NFATC2: variants seen among roughly 807,000 people sequenced by gnomAD.
The protein encoded by NFATC2 is nuclear factor of activated T-cells, cytoplasmic 2.
In NFATC2, 22 loss-of-function variants were observed where a neutral mutation model predicts 87.3. The observed-to-expected ratio is 0.25, with a 90% confidence interval of 0.18 to 0.36. The LOEUF (loss-of-function observed/expected upper bound fraction) is 0.36, where lower values mean the gene tolerates loss of function less well. Ranked by LOEUF, NFATC2 falls within the 10% of genes least tolerant of loss-of-function variation. The probability of loss-of-function intolerance (pLI) is 1.00; values close to 1 mark genes in which losing one functional copy is unlikely to be tolerated. For missense variants in NFATC2, 1,149 were observed against 1,259.1 expected (o/e 0.91, Z 1.32); for synonymous variants, 565 against 542.2 (o/e 1.04, Z -0.58).
intron 1 of NFATC2, among the ~76,000 whole-genome samples, chr20:51,532,762 G>T (rs2146764595): frequency 6.6e-6 from 1 of 152,352 alleles, no homozygotes; most frequent in African/African-American, 2.4e-5. Flanking sequence ...CAGGCGGGTG[G>T]AATTTTCGGG....
rs996981883 is a variant in NFATC2 at position 51,432,988 on chromosome 20, G to A, written c.2033-232C>T. Among the ~76,000 whole-genome samples the A allele has an allele frequency of 7.2e-5, 11 of 152,048 alleles. No homozygotes were observed. The South Asian group carries it at 2.3e-3, about 32-fold the overall frequency. Reference sequence around the variant, plus strand: ...TTGAATTATAGATTTTTCCAATATTGGAAAGGTGGCTGGTAGGTCTGACTC... The same window carrying A: ...TTGAATTATAGATTTTTCCAATATTAGAAAGGTGGCTGGTAGGTCTGACTC... On this transcript the variant is annotated intron_variant, in intron 8 of 10. Coordinates refer to ENST00000371564, the MANE Select transcript of NFATC2 (RefSeq NM_012340.5). This position sits in a 1 kb window ranked among gnomAD's most constrained non-coding sequence, Gnocchi z 4.6.
At chr20:51,484,561 G>A (rs1989548113) in intron 3 of NFATC2, among the ~76,000 whole-genome samples, 2 of 152,214 alleles carry the variant, frequency 1.3e-5, no homozygotes, top group Admixed American at 6.5e-5. Context: ...GGAAGAGTCT[G>A]TGACATCATG....
At chr20:51,462,280 CAAAAA>C (rs56939528) in intron 5 of NFATC2, among the ~76,000 whole-genome samples, 1 of 128,708 alleles carries the variant, frequency 7.8e-6, no homozygotes, top group African/African-American at 3.0e-5. Context: ...GCTAATAATA[CAAAAA>C]AAAAAAAAAA....
chr20:51,521,671 A>G (rs2076447942), intron 2 of NFATC2, among the ~76,000 whole-genome samples: 1 of 152,232 alleles, frequency 6.6e-6, no homozygotes, highest in Non-Finnish European at 1.5e-5. Context: ...CATTTGCTAA[A>G]ATAAAAAATA....
intron 3 of NFATC2, among the ~76,000 whole-genome samples, chr20:51,488,035 G>C (rs1371996421): frequency 2.0e-5 from 3 of 152,042 alleles, no homozygotes; most frequent in Admixed American, 1.3e-4. Flanking sequence ...AGGAACAAGG[G>C]GCCCGTTCTT....
At chr20:51,489,897 T>A (rs952700424) in intron 3 of NFATC2, among the ~76,000 whole-genome samples, 1 of 152,212 alleles carries the variant, frequency 6.6e-6, no homozygotes, top group Non-Finnish European at 1.5e-5. Context: ...AAGACGACTG[T>A]CTGACACACG....
At chr20:51,536,922 C>CAG (rs1555817097) in intron 1 of NFATC2, among the ~76,000 whole-genome samples, 1 of 151,916 alleles carries the variant, frequency 6.6e-6, no homozygotes, top group Non-Finnish European at 1.5e-5. Flanking sequence ...CACACACACA[C>CAG]AGATACTGTA....
chr20:51,487,731 C>T (rs983801308), intron 3 of NFATC2, among the ~76,000 whole-genome samples: 7 of 152,072 alleles, frequency 4.6e-5, no homozygotes, highest in African/African-American at 1.7e-4. Context: ...TCGAATGACA[C>T]CTCCGCCCCC....
chr20:51,526,045 G>A (rs1353289358), intron 1 of NFATC2, among the ~76,000 whole-genome samples: 2 of 149,764 alleles, frequency 1.3e-5, no homozygotes, highest in African/African-American at 2.5e-5. Flanking sequence ...AACCCTCCCC[G>A]CGAGATCCTC....
At chr20:51,497,993 GTT>G (rs961365287) in intron 3 of NFATC2, among the ~76,000 whole-genome samples, 1 of 152,114 alleles carries the variant, frequency 6.6e-6, no homozygotes. Context: ...GAAAAATAAG[GTT>G]TTCTTTTTTT....
intron 1 of NFATC2, among the ~76,000 whole-genome samples, chr20:51,554,300 G>A (rs768720544): frequency 1.9e-4 from 29 of 152,166 alleles, no homozygotes; most frequent in Non-Finnish European, 8.8e-5. Flanking sequence ...ACTTTCAAAT[G>A]CAAACAGGCA....
chr20:51,407,607 G>A (rs993152409), intron 9 of NFATC2, among the ~76,000 whole-genome samples: 7 of 152,162 alleles, frequency 4.6e-5, no homozygotes, highest in Non-Finnish European at 7.4e-5. Context: ...CAGTGCCTCT[G>A]AGCTCTTGCT....
At chr20:51,520,866 G>A (rs1237834302) in intron 2 of NFATC2, among the ~76,000 whole-genome samples, 1 of 151,870 alleles carries the variant, frequency 6.6e-6, no homozygotes, top group Admixed American at 6.6e-5. Context: ...CTCCATGTCG[G>A]TCAGGCTGGT....
intron 9 of NFATC2, among the ~76,000 whole-genome samples, chr20:51,400,168 C>T (rs1320085816): frequency 6.6e-6 from 1 of 152,198 alleles, no homozygotes; most frequent in Middle Eastern, 3.2e-3. Context: ...CCCGGCCCTA[C>T]AGCAAGGTGA....
chr20:51,499,126 C>T (rs568240166), intron 3 of NFATC2, among the ~76,000 whole-genome samples: 6 of 152,150 alleles, frequency 3.9e-5, no homozygotes, highest in Admixed American at 6.5e-5. Context: ...ATCTATACTC[C>T]GGGAGGGGAG....
At chr20:51,483,610 C>G in intron 3 of NFATC2, among the ~76,000 whole-genome samples, 1 of 149,448 alleles carries the variant, frequency 6.7e-6, no homozygotes, top group Non-Finnish European at 1.5e-5. Context: ...ACCCTCTCCC[C>G]CCCACCACAC....
chr20:51,409,381 G>C (rs1280735557), intron 9 of NFATC2, among the ~76,000 whole-genome samples: 1 of 152,194 alleles, frequency 6.6e-6, no homozygotes, highest in African/African-American at 2.4e-5. Context: ...CTTTACAATG[G>C]AATATTATGC....
At chr20:51,512,400 G>A (rs919273233) in intron 3 of NFATC2, among the ~76,000 whole-genome samples, 8 of 151,980 alleles carry the variant, frequency 5.3e-5, no homozygotes, top group South Asian at 2.1e-4. Flanking sequence ...CCACTTTCCC[G>A]CAGCCCCTGA....
At chr20:51,530,674 C>T (rs1048118480) in intron 1 of NFATC2, among the ~76,000 whole-genome samples, 5 of 152,286 alleles carry the variant, frequency 3.3e-5, no homozygotes, top group Middle Eastern at 3.4e-3. Context: ...TGCTCAAGGG[C>T]CTCTGTACCT....
Sources: allele counts gnomAD v4.1 joint callset (sites outside exome capture counted in the v4.1 genomes callset), GRCh38; gene constraint gnomAD v4.1.1; non-coding constraint Gnocchi (gnomAD v3.1); transcripts MANE v1.5; gene names NCBI Gene and HGNC (gene_info 2026-07-23, HGNC 2026-07-21).